The following PTPRD variants were observed in gnomAD, a reference collection of about 807,000 sequenced individuals.
PTPRD encodes receptor-type tyrosine-protein phosphatase delta.
A neutral mutation model predicts 214.5 loss-of-function variants in PTPRD; 34 were observed. That is an observed-to-expected ratio of 0.16 (90% confidence interval 0.12 to 0.21). The LOEUF (loss-of-function observed/expected upper bound fraction) is 0.21, where lower values mean the gene tolerates loss of function less well. Among genes scored for constraint, PTPRD ranks in the 10% least tolerant of loss-of-function variants. The pLI, the probability that PTPRD is intolerant of heterozygous loss-of-function variation, is 1.00. For missense variants in PTPRD, 2,545 were observed against 2,398.7 expected, an observed-to-expected ratio of 1.06 and a Z score of -1.27; for synonymous variants, 1,128 against 845.7, an observed-to-expected ratio of 1.33 and a Z score of -5.79.
intron 2 of PTPRD, among the ~76,000 whole-genome samples, chr9:10,491,524 C>A (rs548227178): frequency 6.6e-6 from 1 of 151,110 alleles, no homozygotes; most frequent in Non-Finnish European, 1.5e-5. Context: ...TGCATGCCTA[C>A]AAGATGAACA....
intron 8 of PTPRD, among the ~76,000 whole-genome samples, chr9:9,401,336 C>T (rs1431694806): frequency 6.6e-6 from 1 of 151,968 alleles, no homozygotes; most frequent in Non-Finnish European, 1.5e-5. Context: ...AGAAATCCCC[C>T]TCTTTTCTAA....
intron 8 of PTPRD, among the ~76,000 whole-genome samples, chr9:9,464,853 T>G (rs1420172813): frequency 6.6e-6 from 1 of 152,192 alleles, no homozygotes; most frequent in East Asian, 1.9e-4. Context: ...AAGTGACTTA[T>G]GCTCCTCAAT....
intron 3 of PTPRD, among the ~76,000 whole-genome samples, chr9:10,194,388 A>T (rs532951459): frequency 3.0e-4 from 37 of 124,552 alleles, no homozygotes; most frequent in Non-Finnish European, 5.3e-4. Flanking sequence ...AGAGAGAGAG[A>T]GAGAGAGAGA....
At chr9:9,990,477 C>G (rs1345486250) in intron 4 of PTPRD, among the ~76,000 whole-genome samples, 2 of 152,188 alleles carry the variant, frequency 1.3e-5, no homozygotes, top group Non-Finnish European at 2.9e-5. Context: ...CCCCTCCCGG[C>G]TTTAGCACCT....
At chr9:8,327,331 G>C (rs1483476768) in intron 44 of PTPRD, among the ~76,000 whole-genome samples, 1 of 134,452 alleles carries the variant, frequency 7.4e-6, no homozygotes, top group Non-Finnish European at 1.5e-5. Context: ...CCATGTAGTT[G>C]TGTGGTTTTG....
chr9:9,753,509 A>G (rs1423918998), intron 6 of PTPRD, among the ~76,000 whole-genome samples: 1 of 152,016 alleles, frequency 6.6e-6, no homozygotes, highest in Non-Finnish European at 1.5e-5. Flanking sequence ...ATTTTTTACC[A>G]TTTAAAAACA....
At chr9:10,277,048 G>T (rs1227310065) in intron 3 of PTPRD, among the ~76,000 whole-genome samples, 1 of 152,150 alleles carries the variant, frequency 6.6e-6, no homozygotes, top group Admixed American at 6.5e-5. Context: ...GTAGCAGAGG[G>T]CTACCCCTCC....
chr9:8,982,487 C>A (rs1589272607), intron 11 of PTPRD, among the ~76,000 whole-genome samples: 2 of 150,492 alleles, frequency 1.3e-5, no homozygotes, highest in South Asian at 4.2e-4. Context: ...TAAATGGATT[C>A]TTCCACATTT....
intron 5 of PTPRD, among the ~76,000 whole-genome samples, chr9:9,918,370 A>AC (rs2081556810): frequency 4.2e-5 from 6 of 142,576 alleles, no homozygotes; most frequent in Non-Finnish European, 9.3e-5. Flanking sequence ...AAAAAAAAAA[A>AC]CTCCACAATG....
chr9:9,688,284 CTAAA>C (rs2097200927), intron 7 of PTPRD, among the ~76,000 whole-genome samples: 1 of 151,958 alleles, frequency 6.6e-6, no homozygotes, highest in African/African-American at 2.4e-5. Flanking sequence ...ACTAATCCAA[CTAAA>C]TAAGGCACTT....
chr9:9,665,733 A>G (rs1594690286), intron 7 of PTPRD, among the ~76,000 whole-genome samples: 1 of 151,936 alleles, frequency 6.6e-6, no homozygotes, highest in East Asian at 1.9e-4. Context: ...CATTAATGAT[A>G]TTAATGTAAA....
chr9:9,874,252 G>C (rs78405932), intron 5 of PTPRD, among the ~76,000 whole-genome samples: 2 of 152,084 alleles, frequency 1.3e-5, no homozygotes, highest in African/African-American at 2.4e-5. Context: ...GTATACAGGG[G>C]AGCTCTACTA....
intron 11 of PTPRD, among the ~76,000 whole-genome samples, chr9:8,755,231 A>C (rs950209667): frequency 7.1e-6 from 1 of 140,014 alleles, no homozygotes; most frequent in Non-Finnish European, 1.5e-5. Context: ...AAAAAAAAAA[A>C]ACAAAAAAAA....
chr9:8,460,463 G>C lies in PTPRD; in HGVS notation c.3823C>G (p.Leu1275Val), dbSNP rs771360735. 6.2e-7 allele frequency: 1 copy of C among 1,613,536 alleles called. No homozygotes were observed. The highest frequency in any genetic ancestry group is 1.7e-5 in the Admixed American group (1 of 59,932). Reference protein sequence around the residue: ...EGLIWVVGPVLAVVFIICIVI... With the variant: ...EGLIWVVGPVVAVVFIICIVI... ...ATGCAGATGATAAAGACCACTGCAA[G>C]GACAGGACCTACAACCCAGATCAAG... Residue 1275 changes from leucine to valine, a missense_variant, in exon 33 of 46, where the codon CTT becomes GTT. Physicochemically the swap from Leu to Val is conservative, Grantham distance 32. Transcript: ENST00000381196.
At chr9:8,635,139 T>C (rs2096390393) in intron 13 of PTPRD, among the ~76,000 whole-genome samples, 1 of 149,466 alleles carries the variant, frequency 6.7e-6, no homozygotes, top group South Asian at 2.1e-4. Flanking sequence ...TTGATACAGT[T>C]TGATGAAGCT....
intron 7 of PTPRD, among the ~76,000 whole-genome samples, chr9:9,651,441 G>A (rs1370634053): frequency 6.6e-6 from 1 of 151,982 alleles, no homozygotes; most frequent in Non-Finnish European, 1.5e-5. Flanking sequence ...TCCCCTCTAT[G>A]TGTCCATTTG....
At chr9:8,887,440 G>A (rs1020433046) in intron 11 of PTPRD, among the ~76,000 whole-genome samples, 4 of 152,210 alleles carry the variant, frequency 2.6e-5, no homozygotes, top group Non-Finnish European at 5.9e-5. Flanking sequence ...GTCACTGGGT[G>A]AGCAAAAGTT....
chr9:9,164,588 T>G lies in PTPRD; in HGVS notation c.-143+18716A>C, dbSNP rs186731824. 2.1e-3 allele frequency among the ~76,000 whole-genome samples: 312 copies of G among 150,748 alleles called. 3 individuals are homozygous for G. The highest frequency in any genetic ancestry group is 4.2e-3 in the South Asian group (20 of 4,772). ...TTGTTTAAATGTTTGTTTTTCCTAT[T>G]ACAGAGCATAAAATCTTTTCTCTTC... is the stretch of plus-strand genomic sequence containing the variant. On this transcript the variant is annotated intron_variant, in intron 10 of 45. Coordinates refer to ENST00000381196, the MANE Select transcript of PTPRD (RefSeq NM_002839.4).
intron 5 of PTPRD, among the ~76,000 whole-genome samples, chr9:9,895,517 A>G (rs1016250232): frequency 6.6e-6 from 1 of 152,032 alleles, no homozygotes; most frequent in African/African-American, 2.4e-5. Flanking sequence ...ATCAACTGTC[A>G]TGTGCACCAT....
Sources: gnomAD v4.1 joint callset for allele counts (sites outside exome capture counted in the v4.1 genomes callset) on GRCh38, gnomAD v4.1.1 for gene constraint, MANE v1.5 for transcripts, NCBI Gene and HGNC (gene_info 2026-07-23, HGNC 2026-07-21) for gene names.